Variants in LRP2 observed in about 807,000 individuals in gnomAD.
LRP2 encodes low-density lipoprotein receptor-related protein 2.
Under a neutral mutation model 531.0 loss-of-function variants are expected in LRP2, and 172 were observed. The observed-to-expected ratio is 0.32, with a 90% CI of 0.29 to 0.37. The LOEUF is 0.37. LRP2 is among the 10% of genes least tolerant of loss of function. LRP2 has a pLI of 1.00. For synonymous variants in LRP2, 1,992 were observed against 2,027.6 expected, an observed-to-expected ratio of 0.98 and a Z score of 0.47; for missense variants, 5,167 against 5,868.3, an observed-to-expected ratio of 0.88 and a Z score of 3.90.
At position 169,175,342 on chromosome 2, in the gene LRP2, T is replaced by A; in HGVS notation, c.10619A>T (p.Asp3540Val). The A allele has an allele frequency of 6.2e-7, 1 of 1,614,194 alleles. No individual in the cohort carries two copies. The highest frequency in any genetic ancestry group is 8.5e-7 in the Non-Finnish European group (1 of 1,180,032). ...GCAAAGGGCCAGTTCATCAGAGCCA[T>A]CTGAGCAGTCTTTCTGTCCATCACA... ...WKCDGQKDCSDGSDELALCPQ... is the reference protein window; with the variant it reads ...WKCDGQKDCSVGSDELALCPQ... The change falls in exon 55 of 79, where the codon GAT becomes GTT. Residue 3540 changes from aspartate (D) to valine (V), a missense_variant. Physicochemically the swap from Asp to Val is radical, Grantham distance 152 (BLOSUM62 -3). Around this residue, in one of 6 missense-constraint regions of LRP2, gnomAD observed 311 missense variants for 309.4 expected, o/e 1.01. Transcript: ENST00000649046.
chr2:169,228,409 G>A (rs1027928189), intron 31 of LRP2, among the ~76,000 whole-genome samples: 5 of 151,530 alleles, frequency 3.3e-5, no homozygotes, highest in African/African-American at 1.2e-4. Flanking sequence ...TGTTATTAAT[G>A]TTCACTGGCT....
chr2:169,276,454 A>C (rs1190734005), intron 13 of LRP2, among the ~76,000 whole-genome samples: 2 of 152,174 alleles, frequency 1.3e-5, no homozygotes, highest in African/African-American at 2.4e-5. Context: ...AAAGAGAAAA[A>C]ATTTAAGCAA....
At chr2:169,297,506 C>A (rs561160585) in intron 4 of LRP2, among the ~76,000 whole-genome samples, 8 of 152,256 alleles carry the variant, frequency 5.3e-5, no homozygotes, top group African/African-American at 1.9e-4. Context: ...AGCCTCAGAC[C>A]TTTAAGGTTT....
In LRP2 at chr2:169,135,795, T is replaced by G. The variant is rs1297551601; in HGVS notation, c.13620+1597A>C. Among the ~76,000 whole-genome samples the G allele has an allele frequency of 2.0e-5, 3 of 152,284 alleles. No homozygotes were observed. The East Asian group carries it at 5.8e-4, about 29-fold the overall frequency. ...TCTCATTCCAGACACCAGACCAACTTGGACTGCACCCCAAAAAACTTGTCA... is the reference window on the plus strand; with the variant it reads ...TCTCATTCCAGACACCAGACCAACTGGGACTGCACCCCAAAAAACTTGTCA... On this transcript the variant is annotated intron_variant, in intron 76 of 78. Transcript: ENST00000649046.
At position 169,204,225 on chromosome 2, in the gene LRP2, T is replaced by A; in HGVS notation, c.7762A>T (p.Ile2588Phe). The change falls in exon 42 of 79, where the codon ATT (isoleucine) becomes TTT (phenylalanine). Residue 2588 changes from isoleucine (I) to phenylalanine (F), a missense_variant. Ile to Phe is a conservative substitution (Grantham distance 21). Transcript: ENST00000649046. ...STLTGVDREV[I>F]VNAAVHAFGL... is the part of the protein sequence containing the mutation. ...AAAGCATGAACGGCTGCATTGACAA[T>A]GACTTCACGATCCACGCCCGTCAGA... 6.2e-7 allele frequency: 1 copy of A among 1,614,090 alleles called. No individual in the cohort carries two copies. Among genetic ancestry groups the A allele is most frequent in the Non-Finnish European group, 8.5e-7 (1 of 1,180,018 alleles).
At chr2:169,152,693 G>A (rs1220431044) in intron 67 of LRP2, 106 bp downstream of exon 67, 15 of 1,289,628 alleles carry the variant, frequency 1.2e-5, no homozygotes, top group Non-Finnish European at 1.6e-5. Context: ...CCATGGCTGA[G>A]TGTACTCATA....
chr2:169,259,111 A>G lies in LRP2; in HGVS notation c.2427T>C (p.Ser809=). Residue 809 remains serine, a synonymous_variant, in exon 17 of 79, where the codon AGT becomes AGC. Coordinates refer to ENST00000649046, the MANE Select transcript of LRP2 (RefSeq NM_004525.3). ...YWTDSHYKSI[S]VMRLADKTRR... is the part of the protein sequence containing the mutation. ...TCGTTTTATCAGCTAGCCTCATGAC[A>G]CTGATACTCTTGTAATGAGAGTCTG... 1 of 1,612,834 alleles carries G rather than the reference A, an allele frequency of 6.2e-7. No homozygotes were observed. The highest frequency in any genetic ancestry group is 8.5e-7 in the Non-Finnish European group (1 of 1,179,056).
chr2:169,156,769 C>T (rs1057111360), intron 64 of LRP2, among the ~76,000 whole-genome samples: 1 of 152,194 alleles, frequency 6.6e-6, no homozygotes, highest in Non-Finnish European at 1.5e-5. Context: ...TTCACTTCTG[C>T]TAACCAGCTT....
intron 69 of LRP2, 117 bp from the exon 70 acceptor site, chr2:169,146,040 T>A (rs932314258): frequency 5.4e-6 from 5 of 926,060 alleles, no homozygotes; most frequent in Admixed American, 2.0e-5. Context: ...CCTCATACAA[T>A]GCCTTGAAGC....
At chr2:169,283,358 C>T (rs946331022) in intron 9 of LRP2, among the ~76,000 whole-genome samples, 2 of 152,190 alleles carry the variant, frequency 1.3e-5, no homozygotes, top group African/African-American at 2.4e-5. Context: ...ATGGCAGCCA[C>T]TAACCCCCTG....
Position 169,226,443 on chromosome 2 carries a change from G to A in LRP2, c.5373C>T (p.Tyr1791=), listed in dbSNP as rs753926959. 2 of 1,613,476 alleles carry A rather than the reference G, an allele frequency of 1.2e-6. No individual in the cohort carries two copies. Among genetic ancestry groups the A allele is most frequent in the Non-Finnish European group, 1.7e-6 (2 of 1,179,572 alleles). The change falls in exon 32 of 79, where the codon TAC becomes TAT. Residue 1791 remains tyrosine (Y), a synonymous_variant. Coordinates refer to ENST00000649046, the MANE Select transcript of LRP2 (RefSeq NM_004525.3). The part of the protein sequence containing the change: ...LDVEFDDAEQ[Y]IYWVENPGEI... ...TTACTGGATTTTCAACCCAATAGAT[G>A]TATTGCTCAGCATCATCAAATTCAA...
chr2:169,201,484 A>T, intron 44 of LRP2, 144 bp downstream of exon 44: 1 of 970,874 alleles, frequency 1.0e-6, no homozygotes, highest in Non-Finnish European at 1.5e-6. Context: ...GATACTTGCT[A>T]CCGCGCCTAG....
At chr2:169,316,739 T>C (rs958242136) in intron 3 of LRP2, among the ~76,000 whole-genome samples, 28 of 152,078 alleles carry the variant, frequency 1.8e-4, no homozygotes, top group Non-Finnish European at 5.9e-5. Context: ...ACTAAAGTCA[T>C]GAGAATGGTG....
intron 76 of LRP2, 113 bp from the exon 77 acceptor site, chr2:169,132,794 A>T: frequency 1.4e-6 from 1 of 709,936 alleles, no homozygotes; most frequent in Non-Finnish European, 2.6e-6. Context: ...TCTCCCACAG[A>T]CATCATCAGG....
intron 30 of LRP2, among the ~76,000 whole-genome samples, chr2:169,232,993 C>T (rs918657735): frequency 7.2e-5 from 11 of 152,292 alleles, no homozygotes; most frequent in Admixed American, 5.9e-4. Context: ...TAGGACAACT[C>T]GTGCTGGCTA....
At chr2:169,209,907 T>C (rs1424012193) in intron 37 of LRP2, among the ~76,000 whole-genome samples, 4 of 152,094 alleles carry the variant, frequency 2.6e-5, no homozygotes, top group African/African-American at 7.2e-5. Context: ...AAACATCTTA[T>C]TGTACCAAGA....
chr2:169,289,733 A>G (rs912627967), intron 8 of LRP2, among the ~76,000 whole-genome samples: 1 of 152,232 alleles, frequency 6.6e-6, no homozygotes, highest in African/African-American at 2.4e-5. Context: ...AATAAGCCCT[A>G]GAAATATTAA....
At chr2:169,224,293 T>C (rs926553026) in intron 33 of LRP2, among the ~76,000 whole-genome samples, 1 of 152,184 alleles carries the variant, frequency 6.6e-6, no homozygotes, top group Non-Finnish European at 1.5e-5. Flanking sequence ...TTTTGGGAAG[T>C]TTCACTTTCA....
At chr2:169,186,298 A>T (rs938291854) in intron 49 of LRP2, among the ~76,000 whole-genome samples, 1 of 152,178 alleles carries the variant, frequency 6.6e-6, no homozygotes. Flanking sequence ...GTCAAACAGG[A>T]CTCAGGAAAA....
Sources: gnomAD v4.1 joint callset for allele counts (sites outside exome capture counted in the v4.1 genomes callset) on GRCh38, gnomAD v4.1.1 for gene constraint, gnomAD v4.1.1 regional missense constraint, MANE v1.5 for transcripts, NCBI Gene and HGNC (gene_info 2026-07-23, HGNC 2026-07-21) for gene names.